DOCK4: variants seen among roughly 807,000 people sequenced by gnomAD.
DOCK4 encodes dedicator of cytokinesis 4, also known as dedicator of cytokinesis protein 4.
In DOCK4, 97 loss-of-function variants were observed where a neutral mutation model predicts 268.1. The observed-to-expected ratio is 0.36, with a 90% CI of 0.31 to 0.43. The LOEUF (loss-of-function observed/expected upper bound fraction) is 0.43. Ranked by LOEUF, DOCK4 falls within the 20% of genes least tolerant of loss-of-function variation. DOCK4 has a pLI of 1.00. For missense variants in DOCK4, 2,145 were observed against 2,455.7 expected, an observed-to-expected ratio of 0.87 and a Z score of 2.67; for synonymous variants, 954 against 887.2, an observed-to-expected ratio of 1.08 and a Z score of -1.34.
At chr7:112,088,950 G>A (rs180971660) in intron 1 of DOCK4, among the ~76,000 whole-genome samples, 49 of 152,136 alleles carry the variant, frequency 3.2e-4, no homozygotes, top group Admixed American at 1.0e-3. Context: ...TGCTCAATAC[G>A]TTGTCAATGC....
At chr7:111,761,696 G>A (rs1242574795) in intron 39 of DOCK4, among the ~76,000 whole-genome samples, 1 of 152,264 alleles carries the variant, frequency 6.6e-6, no homozygotes, top group African/African-American at 2.4e-5. Flanking sequence ...CTTCCGCAGG[G>A]AAAGGGCAGC....
At chr7:111,942,343 C>G (rs1272882822) in intron 10 of DOCK4, among the ~76,000 whole-genome samples, 1 of 152,094 alleles carries the variant, frequency 6.6e-6, no homozygotes, top group Non-Finnish European at 1.5e-5. Flanking sequence ...GGCCAACATG[C>G]CCTTTTCCTA....
intron 1 of DOCK4, among the ~76,000 whole-genome samples, chr7:112,149,781 C>A (rs1815883487): frequency 6.6e-6 from 1 of 152,180 alleles, no homozygotes; most frequent in African/African-American, 2.4e-5. Flanking sequence ...AGCTTCCAGG[C>A]CAAAGCACCT....
At chr7:112,076,618 C>T (rs1270442256) in intron 1 of DOCK4, among the ~76,000 whole-genome samples, 1 of 152,098 alleles carries the variant, frequency 6.6e-6, no homozygotes, top group East Asian at 1.9e-4. Flanking sequence ...TCCCCAAAAC[C>T]TCATCTTGTT....
rs1039598995 is a variant in DOCK4, at chr7:111,994,218, C to G, written c.232G>C (p.Val78Leu). Residue 78 changes from valine (V) to leucine (L), a missense_variant, in exon 5 of 53, where the codon GTT becomes CTT. By Grantham distance (32) the Val-to-Leu change is conservative. This residue lies in a region of DOCK4 where 1,598 missense variants were observed against 1,986.7 expected (regional missense o/e 0.80). Transcript: ENST00000428084. The part of the protein sequence containing the change: ...CVKNKGQFEM[V>L]IPTEDSVITE... ...ATAACAGAGTCTTCAGTGGGAATAA[C>G]CATTTCAAATTGTCTGTGAAATTAA... The G allele has an allele frequency of 2.5e-6, 4 of 1,587,966 alleles. No homozygotes were observed. The South Asian group carries it at 3.5e-5, about 14-fold the overall frequency.
chr7:111,902,236 T>C lies in DOCK4; in HGVS notation c.1193-435A>G, dbSNP rs17158981. On this transcript the variant is annotated intron_variant, in intron 13 of 52. Transcript: ENST00000428084. ...AGTAAAATAATAGGACTGTAAAGGGTACAATTACAACTTAAATCTTTTCCA... is the reference window on the plus strand; with the variant it reads ...AGTAAAATAATAGGACTGTAAAGGGCACAATTACAACTTAAATCTTTTCCA... 3.4e-3 allele frequency among the ~76,000 whole-genome samples: 521 copies of C among 152,296 alleles called. 2 individuals are homozygous for C. Among genetic ancestry groups the C allele is most frequent in the African/African-American group, 0.012 (491 of 41,568 alleles).
chr7:111,738,526 T>G (rs1795667013), intron 49 of DOCK4, among the ~76,000 whole-genome samples: 1 of 152,070 alleles, frequency 6.6e-6, no homozygotes, highest in Non-Finnish European at 1.5e-5. Flanking sequence ...AGGCACTTTA[T>G]TCACCCAACT....
chr7:111,917,209 A>G (rs1355726278), intron 12 of DOCK4, among the ~76,000 whole-genome samples: 1 of 151,686 alleles, frequency 6.6e-6, no homozygotes, highest in African/African-American at 2.4e-5. Flanking sequence ...GATGGTCTCG[A>G]GCTCTTGACC....
Position 112,131,620 on chromosome 7 carries a change from A to G in DOCK4, c.37+74482T>C, listed in dbSNP as rs546854388. ...ATTGTACAATGCAGGAAACAGCTAA[A>G]ATGTGATACATACATTATTTATTCA... is the stretch of plus-strand genomic sequence containing the variant. On this transcript the variant is annotated intron_variant, in intron 1 of 52. Coordinates refer to ENST00000428084, the MANE Select transcript of DOCK4 (RefSeq NM_001363540.2). 2.0e-5 allele frequency among the ~76,000 whole-genome samples: 3 copies of G among 152,304 alleles called. No individual in the cohort carries two copies. The South Asian group carries it at 6.2e-4, about 32-fold the overall frequency.
At chr7:111,737,916 T>C (rs1348863715) in intron 49 of DOCK4, among the ~76,000 whole-genome samples, 1 of 152,138 alleles carries the variant, frequency 6.6e-6, no homozygotes, top group Admixed American at 6.5e-5. Context: ...GACATCAGCG[T>C]TGTGCAGAGG....
At chr7:111,764,230 T>G (rs1416883353) in intron 39 of DOCK4, among the ~76,000 whole-genome samples, 1 of 152,242 alleles carries the variant, frequency 6.6e-6, no homozygotes, top group Admixed American at 6.5e-5. Context: ...TATCTGTCTT[T>G]TTCATTCTGA....
intron 42 of DOCK4, 90 bp downstream of exon 42, chr7:111,755,425 T>C: frequency 2.4e-6 from 3 of 1,247,580 alleles, no homozygotes; most frequent in Non-Finnish European, 3.5e-6. Flanking sequence ...CCAGAGAATC[T>C]GGGTCGAAGG....
chr7:112,159,047 A>T (rs904108827), intron 1 of DOCK4, among the ~76,000 whole-genome samples: 2 of 152,184 alleles, frequency 1.3e-5, no homozygotes, highest in African/African-American at 4.8e-5. Flanking sequence ...AACAGAAGCC[A>T]AACAGTTGGT....
At chr7:111,878,009 A>G (rs2134270337) in intron 16 of DOCK4, among the ~76,000 whole-genome samples, 1 of 152,320 alleles carries the variant, frequency 6.6e-6, no homozygotes, top group African/African-American at 2.4e-5. Flanking sequence ...CATTCTTACC[A>G]AAAGTGCTGA....
chr7:112,193,578 G>A (rs544868198), intron 1 of DOCK4, among the ~76,000 whole-genome samples: 6 of 146,984 alleles, frequency 4.1e-5, no homozygotes, highest in African/African-American at 7.6e-5. Flanking sequence ...CAGCCTGAGC[G>A]ACAGAGCCAG....
At chr7:112,096,092 G>C (rs187432588) in intron 1 of DOCK4, among the ~76,000 whole-genome samples, 1 of 152,030 alleles carries the variant, frequency 6.6e-6, no homozygotes, top group South Asian at 2.1e-4. Context: ...ACTTTGTCTC[G>C]TAATAAATAA....
chr7:112,042,696 TTCAAGG>T (rs1322071394), intron 1 of DOCK4, among the ~76,000 whole-genome samples: 1 of 152,246 alleles, frequency 6.6e-6, no homozygotes, highest in African/African-American at 2.4e-5. Flanking sequence ...CTTGATTTAC[TTCAAGG>T]TTGACACTTA....
Position 111,728,702 on chromosome 7 carries a change from T to C in DOCK4, c.5500A>G (p.Thr1834Ala). 5.0e-6 allele frequency: 8 copies of C among 1,611,984 alleles called. No individual in the cohort carries two copies. The highest frequency in any genetic ancestry group is 6.8e-6 in the Non-Finnish European group (8 of 1,179,218). ...GAGTGGTACTCCACTGGAGAGGGGG[T>C]GAAAGACTGCACAGAGCCCTGCTCC... is the stretch of plus-strand genomic sequence containing the variant. Reference protein sequence around the residue: ...SPLKGSVQSFTPSPVEYHSPG... With the variant: ...SPLKGSVQSFAPSPVEYHSPG... The change falls in exon 53 of 53, where the codon ACC (threonine) becomes GCC (alanine). Residue 1834 changes from threonine (T) to alanine (A), a missense_variant. By Grantham distance (58) the Thr-to-Ala change is moderately conservative (BLOSUM62 0). Transcript: ENST00000428084.
At chr7:111,926,920 A>T (rs1793759755) in intron 12 of DOCK4, among the ~76,000 whole-genome samples, 2 of 152,166 alleles carry the variant, frequency 1.3e-5, no homozygotes, top group Non-Finnish European at 2.9e-5. Context: ...AAAAAAAGAA[A>T]AAGAACGGAG....
Sources: gnomAD v4.1 joint callset for allele counts (sites outside exome capture counted in the v4.1 genomes callset) on GRCh38, gnomAD v4.1.1 for gene constraint, gnomAD v4.1.1 regional missense constraint, MANE v1.5 for transcripts, NCBI Gene and HGNC (gene_info 2026-07-23, HGNC 2026-07-21) for gene names.